The following ARL15 variants were observed in gnomAD, a reference collection of about 807,000 sequenced individuals.
ARL15 encodes the protein ARF like GTPase 15.
ARL15 carries 19 observed loss-of-function variants against 25.2 expected under a neutral mutation model. That is an observed-to-expected ratio of 0.75 (90% CI 0.53 to 1.10). The LOEUF (loss-of-function observed/expected upper bound fraction) is 1.10, where lower values mean the gene tolerates loss of function less well. ARL15 is among the 50% of genes least tolerant of loss of function. The pLI is 0.00. For synonymous variants in ARL15, 94 were observed against 86.8 expected, an observed-to-expected ratio of 1.08 and a Z score of -0.46; for missense variants, 220 against 246.0, an observed-to-expected ratio of 0.89 and a Z score of 0.71.
intron 1 of ARL15, among the ~76,000 whole-genome samples, chr5:54,232,826 C>G (rs1055060872): frequency 1.3e-5 from 2 of 152,176 alleles, no homozygotes; most frequent in Admixed American, 1.3e-4. Context: ...TTCACCCCTG[C>G]CCTCATACAC....
At chr5:54,053,380 A>AT in intron 4 of ARL15, among the ~76,000 whole-genome samples, 1 of 152,328 alleles carries the variant, frequency 6.6e-6, no homozygotes, top group Non-Finnish European at 1.5e-5. Context: ...ATTCCAAATA[A>AT]TTCCAAATAA....
At chr5:54,176,466 T>A (rs1474581770) in intron 1 of ARL15, among the ~76,000 whole-genome samples, 1 of 152,224 alleles carries the variant, frequency 6.6e-6, no homozygotes, top group Non-Finnish European at 1.5e-5. Flanking sequence ...ATAGTCAATT[T>A]ACTTAAAATT....
intron 1 of ARL15, among the ~76,000 whole-genome samples, chr5:54,221,944 G>A (rs1055418446): frequency 2.0e-5 from 3 of 151,744 alleles, no homozygotes; most frequent in Non-Finnish European, 4.4e-5. Flanking sequence ...GAACATTTTT[G>A]AACAATGAAA....
At chr5:54,246,797 TACACACACACACACACACACACACACAC>T (rs61025147) in intron 1 of ARL15, among the ~76,000 whole-genome samples, 5 of 138,998 alleles carry the variant, frequency 3.6e-5, no homozygotes, top group South Asian at 2.5e-4. Context: ...AAAGCATGCA[TACACACACACACACACACACACACACAC>T]ACACACACAC....
chr5:53,991,574 GGCAATTGAA>G (rs1460555381), intron 4 of ARL15, among the ~76,000 whole-genome samples: 3 of 144,308 alleles, frequency 2.1e-5, no homozygotes, highest in African/African-American at 7.5e-5. Context: ...GGGGGCGGGG[GGCAATTGAA>G]GCAATGAGTG....
intron 3 of ARL15, among the ~76,000 whole-genome samples, chr5:54,151,994 C>T (rs542672770): frequency 3.9e-5 from 6 of 152,214 alleles, no homozygotes; most frequent in African/African-American, 1.4e-4. Context: ...CCTGGGCATT[C>T]CTCACTAAGA....
chr5:54,234,159 C>T (rs1756741717), intron 1 of ARL15, among the ~76,000 whole-genome samples: 1 of 152,010 alleles, frequency 6.6e-6, no homozygotes, highest in South Asian at 2.1e-4. Context: ...CCAAGCCCGG[C>T]TAATTTTTTT....
At chr5:53,901,102 G>A (rs993713964) in intron 4 of ARL15, among the ~76,000 whole-genome samples, 4 of 152,140 alleles carry the variant, frequency 2.6e-5, no homozygotes, top group African/African-American at 2.4e-5. Flanking sequence ...TAACATAGTC[G>A]TTAATTACAG....
chr5:54,209,138 G>A (rs1040434644), intron 1 of ARL15, among the ~76,000 whole-genome samples: 2 of 152,144 alleles, frequency 1.3e-5, no homozygotes, highest in Non-Finnish European at 2.9e-5. Context: ...TACCCAAAAT[G>A]AGAACATTAA....
chr5:53,885,951 G>A lies in ARL15; in HGVS notation c.*610C>T, dbSNP rs1343425683. 6.6e-6 allele frequency: 1 copy of A among 151,926 alleles called. No homozygotes were observed. The highest frequency in any genetic ancestry group is 2.4e-5 in the African/African-American group (1 of 41,354). 9.4% of individuals were successfully genotyped at this position (151,926 alleles called of 1,614,324 possible). ...TCAGATGTAATCAAGAAAACATTGT[G>A]TAACTTGCCTCTAAGCTCTTCAGAG... On this transcript the variant is annotated 3_prime_UTR_variant, in exon 5 of 5. Transcript: ENST00000504924.
At chr5:53,898,348 CCCT>C (rs1744939823) in intron 4 of ARL15, among the ~76,000 whole-genome samples, 1 of 152,038 alleles carries the variant, frequency 6.6e-6, no homozygotes, top group Admixed American at 6.5e-5. Flanking sequence ...GGGAAGTGTT[CCCT>C]CCTCTTCTAC....
chr5:54,227,975 A>G (rs1756571201), intron 1 of ARL15, among the ~76,000 whole-genome samples: 1 of 152,176 alleles, frequency 6.6e-6, no homozygotes, highest in Non-Finnish European at 1.5e-5. Context: ...GATGGGTTGG[A>G]AAAAACCACA....
At chr5:54,197,668 A>T (rs1291589954) in intron 1 of ARL15, among the ~76,000 whole-genome samples, 2 of 151,102 alleles carry the variant, frequency 1.3e-5, no homozygotes. Context: ...CTTACCAACC[A>T]AAAAGAGTCC....
intron 1 of ARL15, among the ~76,000 whole-genome samples, chr5:54,271,454 A>G (rs983121114): frequency 3.3e-5 from 5 of 152,224 alleles, no homozygotes; most frequent in African/African-American, 1.2e-4. Context: ...GATACAATAC[A>G]AATGCTATGT....
chr5:54,037,544 G>T (rs1046375287), intron 4 of ARL15, among the ~76,000 whole-genome samples: 2 of 152,066 alleles, frequency 1.3e-5, no homozygotes, highest in Non-Finnish European at 2.9e-5. Context: ...TTTACGTGAT[G>T]TCTAATGCCT....
At chr5:53,953,041 G>A (rs1198713142) in intron 4 of ARL15, among the ~76,000 whole-genome samples, 2 of 152,120 alleles carry the variant, frequency 1.3e-5, no homozygotes, top group Non-Finnish European at 1.5e-5. Flanking sequence ...CAGCTCCACT[G>A]TCATAAAACA....
intron 1 of ARL15, among the ~76,000 whole-genome samples, chr5:54,280,288 G>A (rs1431647691): frequency 1.3e-5 from 2 of 152,150 alleles, no homozygotes; most frequent in African/African-American, 4.8e-5. Flanking sequence ...CTGCTTCTCA[G>A]AGGATCTGGG....
At chr5:54,206,643 TG>T (rs1316186422) in intron 1 of ARL15, among the ~76,000 whole-genome samples, 1 of 151,886 alleles carries the variant, frequency 6.6e-6, no homozygotes, top group Non-Finnish European at 1.5e-5. Flanking sequence ...ACAAAAAAAA[TG>T]AGGAGAACAA....
chr5:54,026,843 G>A (rs967603449), intron 4 of ARL15, among the ~76,000 whole-genome samples: 7 of 152,092 alleles, frequency 4.6e-5, no homozygotes, highest in Non-Finnish European at 7.3e-5. Context: ...GGCATTTGAG[G>A]GTTGTGAGAA....
Sources: gnomAD v4.1 joint callset for allele counts (sites outside exome capture counted in the v4.1 genomes callset) on GRCh38, gnomAD v4.1.1 for gene constraint, MANE v1.5 for transcripts, NCBI Gene and HGNC (gene_info 2026-07-23, HGNC 2026-07-21) for gene names.